The following PAK6 variants were observed in gnomAD, a reference collection of about 807,000 sequenced individuals.
PAK6 encodes p21 (RAC1) activated kinase 6.
A neutral mutation model predicts 60.8 loss-of-function variants in PAK6; 33 were observed. The ratio of observed to expected loss-of-function variants is 0.54; its 90% CI spans 0.41 to 0.73. PAK6 has a LOEUF of 0.73. PAK6 is among the 30% of genes least tolerant of loss of function. The pLI is 0.00. For synonymous variants in PAK6, 404 were observed against 378.5 expected (o/e 1.07, Z -0.78); for missense variants, 845 against 904.1 (o/e 0.93, Z 0.84).
At chr15:40,251,898 A>G (rs548535603) in intron 2 of PAK6, 1 of 155,928 alleles carries the variant, frequency 6.4e-6, no homozygotes, top group South Asian at 2.0e-4. Context: ...GCTGAGGACA[A>G]GCAGAGGATG....
intron 10 of PAK6, 92 bp downstream of exon 10, chr15:40,274,368 T>C: frequency 1.5e-6 from 2 of 1,359,076 alleles, no homozygotes; most frequent in Non-Finnish European, 2.0e-6. Context: ...TCCCTTCCAC[T>C]GAAGCCACAG....
At chr15:40,272,163 C>T (rs545693407) in intron 5 of PAK6, 61 bp from the exon 6 acceptor site, 32 of 1,546,200 alleles carry the variant, frequency 2.1e-5, no homozygotes, top group African/African-American at 1.2e-4. Context: ...CCCCTGCCTC[C>T]GGGAAGGTTA....
At chr15:40,242,311 C>T (rs1169167777) in intron 2 of PAK6, among the ~76,000 whole-genome samples, 2 of 152,228 alleles carry the variant, frequency 1.3e-5, no homozygotes, top group Non-Finnish European at 2.9e-5. Context: ...CAGAGATGCC[C>T]ACCGCACACA....
At chr15:40,266,228 C>T in exon 5 of PAK6, 1 of 1,610,238 alleles carries the variant, frequency 6.2e-7, no homozygotes, top group Non-Finnish European at 8.5e-7. Flanking sequence ...AGCTGGGTGC[C>T]TGCCTGCAGA....
chr15:40,246,399 AC>A (rs1001493631), intron 2 of PAK6: 1 of 152,204 alleles, frequency 6.6e-6, no homozygotes, highest in African/African-American at 2.4e-5. Flanking sequence ...AGACAAGAAG[AC>A]TTTTTCTATT....
chr15:40,248,226 C>T lies in PAK6; in HGVS notation c.-117-4952C>T, dbSNP rs1216151417. On this transcript the variant is annotated intron_variant, in intron 2 of 10. Transcript: ENST00000560346. ...GCAGTGTCAGCTCCCTCGGCTCACA[C>T]TTCCAGATGCTCGGAGGTTCAGAGG... 2.0e-5 allele frequency among the ~76,000 whole-genome samples: 3 copies of T among 152,224 alleles called. No individual in the cohort carries two copies. The East Asian group carries it at 5.8e-4, about 29-fold the overall frequency.
chr15:40,253,310 CG>C (rs2038741679), intron 3 of PAK6, 21 bp downstream of exon 3: 1 of 454,590 alleles, frequency 2.2e-6, no homozygotes, highest in Non-Finnish European at 4.4e-6. Flanking sequence ...GAGCGGCCCC[CG>C]GCCCTAGAGC....
intron 2 of PAK6, chr15:40,252,287 A>T (rs749252121): frequency 4.1e-6 from 5 of 1,218,022 alleles, no homozygotes; most frequent in Middle Eastern, 3.5e-4. Context: ...GCCGGCGCTC[A>T]GCTGATTCTC....
chr15:40,243,345 G>A lies in PAK6; in HGVS notation c.-118+2664G>A, dbSNP rs549213907. Among the ~76,000 whole-genome samples the A allele has an allele frequency of 7.2e-5, 11 of 152,246 alleles. No homozygotes were observed. The East Asian group carries it at 7.7e-4, about 11-fold the overall frequency. ...AGTCAGCAGCATGAGCCTCAGGCCC[G>A]GTGCTGCCTCTTCCTGGTGACTCGG... On this transcript the variant is annotated intron_variant, in intron 2 of 10. Transcript: ENST00000560346.
At chr15:40,268,641 G>A (rs1294846027) in intron 5 of PAK6, among the ~76,000 whole-genome samples, 2 of 152,280 alleles carry the variant, frequency 1.3e-5, no homozygotes, top group Middle Eastern at 3.4e-3. Flanking sequence ...CTGCAGGAGG[G>A]TCTGAGTATA....
At chr15:40,262,361 G>A (rs919878305) in intron 3 of PAK6, among the ~76,000 whole-genome samples, 2 of 152,050 alleles carry the variant, frequency 1.3e-5, no homozygotes, top group South Asian at 2.1e-4. Flanking sequence ...AAAATTAGCC[G>A]GGTATGTTGG....
chr15:40,261,103 T>G (rs1227367615), intron 3 of PAK6, among the ~76,000 whole-genome samples: 1 of 151,870 alleles, frequency 6.6e-6, no homozygotes, highest in Non-Finnish European at 1.5e-5. Context: ...TTAGCCAGGA[T>G]GATCTCTATC....
At chr15:40,255,237 CAA>C (rs199769392) in intron 3 of PAK6, among the ~76,000 whole-genome samples, 2,491 of 152,278 alleles carry the variant, frequency 0.016, 37 homozygotes, top group African/African-American at 0.045. Flanking sequence ...CCTGTTGACA[CAA>C]GTGACTGAAT....
At chr15:40,269,856 G>A (rs2039253076) in intron 5 of PAK6, among the ~76,000 whole-genome samples, 1 of 152,252 alleles carries the variant, frequency 6.6e-6, no homozygotes, top group South Asian at 2.1e-4. Context: ...TGTGGAGACA[G>A]GGAAGAAACC....
At chr15:40,275,280 G>GTTTTTTT (rs869058525) in intron 10 of PAK6, among the ~76,000 whole-genome samples, 4,072 of 55,914 alleles carry the variant, frequency 0.073, 815 homozygotes, top group Middle Eastern at 0.17. Flanking sequence ...GTTGTTGTTG[G>GTTTTTTT]TTTTTTTTTT....
intron 3 of PAK6, among the ~76,000 whole-genome samples, chr15:40,262,487 G>C (rs2039008719): frequency 6.6e-6 from 1 of 151,798 alleles, no homozygotes; most frequent in South Asian, 2.1e-4. Flanking sequence ...CTGGGCGACA[G>C]GGCGGCAAGA....
intron 3 of PAK6, among the ~76,000 whole-genome samples, chr15:40,260,807 T>G (rs1037879560): frequency 6.6e-6 from 1 of 152,226 alleles, no homozygotes; most frequent in African/African-American, 2.4e-5. Flanking sequence ...TTTTGTATTT[T>G]CCAATATAAG....
exon 11 of PAK6, chr15:40,277,019 G>C (rs187963215): frequency 3.9e-5 from 6 of 152,178 alleles, no homozygotes; most frequent in African/African-American, 1.2e-4. Flanking sequence ...ACTGTGCATC[G>C]TGAGGGCCAG....
At chr15:40,272,306 C>A in exon 6 of PAK6, 1 of 1,614,044 alleles carries the variant, frequency 6.2e-7, no homozygotes, top group South Asian at 1.1e-5. Flanking sequence ...TCGGACCAGC[C>A]GGTGGGGACC....
Sources: gnomAD v4.1 joint callset for allele counts (sites outside exome capture counted in the v4.1 genomes callset) on GRCh38, gnomAD v4.1.1 for gene constraint, MANE v1.5 for transcripts, NCBI Gene and HGNC (gene_info 2026-07-23, HGNC 2026-07-21) for gene names.